Variants in SULF1 observed in about 807,000 individuals in gnomAD.
SULF1 encodes the protein sulfatase 1, also known as extracellular sulfatase Sulf-1.
A neutral mutation model predicts 110.5 loss-of-function variants in SULF1; 46 were observed. The ratio of observed to expected loss-of-function variants is 0.42; its 90% CI spans 0.33 to 0.53. The LOEUF (loss-of-function observed/expected upper bound fraction) is 0.53, where lower values mean the gene tolerates loss of function less well. SULF1 is among the 20% of genes least tolerant of loss of function. The pLI, the probability that SULF1 is intolerant of heterozygous loss-of-function variation, is 0.12. For synonymous variants in SULF1, 371 were observed against 387.1 expected (o/e 0.96, Z 0.49); for missense variants, 941 against 1,094.2 (o/e 0.86, Z 1.98).
At chr8:69,504,809 C>T (rs918023485) in intron 3 of SULF1, among the ~76,000 whole-genome samples, 4 of 152,072 alleles carry the variant, frequency 2.6e-5, no homozygotes, top group East Asian at 1.9e-4. Context: ...CCACCACTAC[C>T]TCTGTATTTA....
intron 5 of SULF1, among the ~76,000 whole-genome samples, chr8:69,568,720 G>T (rs1312485032): frequency 6.6e-6 from 1 of 152,132 alleles, no homozygotes; most frequent in Non-Finnish European, 1.5e-5. Flanking sequence ...AGAGTTTTAG[G>T]CTAGAATAAT....
chr8:69,649,299 A>T (rs1207888951), intron 22 of SULF1, among the ~76,000 whole-genome samples: 1 of 152,176 alleles, frequency 6.6e-6, no homozygotes, highest in East Asian at 1.9e-4. Context: ...TTTTTTTCTG[A>T]ATCATTTGCA....
rs140109166 is a variant in SULF1, at chr8:69,641,391, C to A, written c.2585+550C>A. 7.2e-3 allele frequency among the ~76,000 whole-genome samples: 1,090 copies of A among 152,220 alleles called. 7 individuals carry two copies. Among genetic ancestry groups the A allele is most frequent in the Non-Finnish European group, 0.012 (794 of 68,020 alleles). On this transcript the variant is annotated intron_variant, in intron 22 of 22. Coordinates refer to ENST00000402687, the MANE Select transcript of SULF1 (RefSeq NM_001128205.2). ...CAGCCGTAAGATTCTGAAAGCTCTG[C>A]AGAGAGGTGGTGAATAACGAGAAGG...
chr8:69,484,135 T>TC (rs1168782104), intron 1 of SULF1, among the ~76,000 whole-genome samples: 1 of 152,206 alleles, frequency 6.6e-6, no homozygotes, highest in Non-Finnish European at 1.5e-5. Flanking sequence ...TTCCACATTT[T>TC]CCTTTTTTTC....
intron 6 of SULF1, among the ~76,000 whole-genome samples, chr8:69,582,499 C>A (rs976818894): frequency 6.6e-6 from 1 of 152,060 alleles, no homozygotes; most frequent in African/African-American, 2.4e-5. Context: ...TGCATTTAAT[C>A]CTCAAAACAA....
intron 1 of SULF1, among the ~76,000 whole-genome samples, chr8:69,467,276 T>G (rs1322503600): frequency 6.6e-6 from 1 of 152,216 alleles, no homozygotes; most frequent in Non-Finnish European, 1.5e-5. Flanking sequence ...AGGATTTATT[T>G]TAGCTTTCAA....
At chr8:69,481,172 A>G (rs1181978604) in intron 1 of SULF1, among the ~76,000 whole-genome samples, 1 of 152,146 alleles carries the variant, frequency 6.6e-6, no homozygotes, top group Non-Finnish European at 1.5e-5. Context: ...TAGGAAAAAG[A>G]GCATTTTCGT....
At chr8:69,612,597 A>G (rs1023208030) in intron 13 of SULF1, among the ~76,000 whole-genome samples, 11 of 152,126 alleles carry the variant, frequency 7.2e-5, no homozygotes, top group Non-Finnish European at 1.5e-4. Flanking sequence ...CATTTCCTTG[A>G]TGAGTAGTGA....
At chr8:69,648,119 TTGGAAACCC>T (rs1267783642) in intron 22 of SULF1, among the ~76,000 whole-genome samples, 30 of 149,382 alleles carry the variant, frequency 2.0e-4, no homozygotes, top group African/African-American at 7.3e-4. Flanking sequence ...GGTCCAAATA[TTGGAAACCC>T]TGTGCCTTCA....
chr8:69,628,307 G>C (rs1810258845), intron 18 of SULF1, 71 bp downstream of exon 18: 1 of 1,328,174 alleles, frequency 7.5e-7, no homozygotes, highest in Non-Finnish European at 1.1e-6. Flanking sequence ...GAAGAGGCTG[G>C]AGGGACCCCT....
intron 1 of SULF1, chr8:69,473,172 C>T (rs537090806): frequency 3.3e-5 from 5 of 152,216 alleles, no homozygotes; most frequent in African/African-American, 7.2e-5. Context: ...AAAAATGTAG[C>T]TCTTCGCTTT....
rs74493361 is a variant in SULF1 at position 69,512,800 on chromosome 8, G to T, written c.-134+10832G>T. 3.1e-3 allele frequency among the ~76,000 whole-genome samples: 477 copies of T among 152,220 alleles called. 1 individual carries two copies. Among genetic ancestry groups the T allele is most frequent in the African/African-American group, 0.011 (460 of 41,546 alleles). The stretch of plus-strand genomic sequence containing the variant: ...CTACACAACACCCCAGACTGCTCTT[G>T]CTTCCTCAGACATACCCTTCATGGG... On this transcript the variant is annotated intron_variant, in intron 3 of 22. Transcript: ENST00000402687.
intron 18 of SULF1, 39 bp from the exon 19 acceptor site, chr8:69,629,465 C>T (rs1263015995): frequency 1.3e-6 from 2 of 1,558,222 alleles, no homozygotes; most frequent in Admixed American, 4.0e-5. Flanking sequence ...TGAGAAAGTG[C>T]CTTCTGAACA....
intron 22 of SULF1, among the ~76,000 whole-genome samples, chr8:69,645,845 A>G (rs1811868050): frequency 6.6e-6 from 1 of 152,192 alleles, no homozygotes; most frequent in Non-Finnish European, 1.5e-5. Context: ...TGTATCTTCC[A>G]AACAGGGATG....
chr8:69,609,674 A>T (rs1808490727), intron 13 of SULF1, among the ~76,000 whole-genome samples: 1 of 152,206 alleles, frequency 6.6e-6, no homozygotes. Context: ...ACATGCTGCC[A>T]CTGCAAAATT....
At chr8:69,653,326 T>C (rs1228502375) in intron 22 of SULF1, among the ~76,000 whole-genome samples, 3 of 152,226 alleles carry the variant, frequency 2.0e-5, no homozygotes, top group Non-Finnish European at 4.4e-5. Context: ...CATCTCAGCC[T>C]CCCAGAGTGC....
chr8:69,531,557 A>G (rs1813083902), intron 3 of SULF1, among the ~76,000 whole-genome samples: 1 of 152,210 alleles, frequency 6.6e-6, no homozygotes, highest in African/African-American at 2.4e-5. Flanking sequence ...AAACATGTAT[A>G]TATTGTGCTT....
intron 21 of SULF1, among the ~76,000 whole-genome samples, chr8:69,640,237 CA>C (rs1239779375): frequency 2.0e-5 from 3 of 151,974 alleles, no homozygotes; most frequent in East Asian, 1.9e-4. Context: ...GAATCTCAAC[CA>C]ACCATTAGAG....
At position 69,500,848 on chromosome 8, in the gene SULF1, C is replaced by T. The variant is rs202105510; in HGVS notation, c.-228-1026C>T. ...GAGTGGAAAGAGGGGTGATGAGAGT[C>T]GTGTGGGAGGAAAGTGAATCCTGCA... On this transcript the variant is annotated intron_variant, in intron 2 of 22. Transcript: ENST00000402687. Among the ~76,000 whole-genome samples the T allele has an allele frequency of 1.4e-4, 22 of 152,160 alleles. No homozygotes were observed. The East Asian group carries it at 2.9e-3, about 20-fold the overall frequency.
Sources: allele counts gnomAD v4.1 joint callset (sites outside exome capture counted in the v4.1 genomes callset), GRCh38; gene constraint gnomAD v4.1.1; transcripts MANE v1.5; gene names NCBI Gene and HGNC (gene_info 2026-07-23, HGNC 2026-07-21).